Variants in PHF20L1 observed in about 807,000 individuals in gnomAD.
PHF20L1 encodes the protein PHD finger protein 20-like protein 1.
A neutral mutation model predicts 125.5 loss-of-function variants in PHF20L1; 44 were observed. The observed-to-expected ratio is 0.35, with a 90% CI of 0.28 to 0.45. The LOEUF (loss-of-function observed/expected upper bound fraction) is 0.45, where lower values mean the gene tolerates loss of function less well. PHF20L1 is among the 20% of genes least tolerant of loss of function. The pLI is 1.00. For missense variants in PHF20L1, 1,012 were observed against 1,217.2 expected, an observed-to-expected ratio of 0.83 and a Z score of 2.51; for synonymous variants, 380 against 403.1, an observed-to-expected ratio of 0.94 and a Z score of 0.69.
In PHF20L1 at chr8:132,817,793, G is replaced by A. The variant is rs367793494; in HGVS notation, c.1579+248G>A. The A allele has an allele frequency of 1.1e-4, 41 of 362,490 alleles. No individual in the cohort carries two copies. The East Asian group carries it at 1.4e-3, about 13-fold the overall frequency. 22.5% of individuals were successfully genotyped at this position (362,490 alleles called of 1,614,324 possible). On this transcript the variant is annotated intron_variant, in intron 12 of 20. Transcript: ENST00000395386. ...TCACTTGATCTATTTCCTTCTCCCTGCTTCTTTTTTATATATCCTTATTTC... is the reference window on the plus strand; with the variant it reads ...TCACTTGATCTATTTCCTTCTCCCTACTTCTTTTTTATATATCCTTATTTC...
chr8:132,790,139 C>G (rs1319652011), intron 2 of PHF20L1, among the ~76,000 whole-genome samples: 3 of 152,094 alleles, frequency 2.0e-5, no homozygotes, highest in African/African-American at 7.2e-5. Context: ...CTACAGCTTC[C>G]AAATTCAATC....
intron 14 of PHF20L1, among the ~76,000 whole-genome samples, chr8:132,831,975 A>G (rs1836828041): frequency 6.6e-6 from 1 of 152,092 alleles, no homozygotes; most frequent in Non-Finnish European, 1.5e-5. Context: ...TTTCACCTCT[A>G]TAGTACTTCA....
chr8:132,842,927 G>A (rs1467655776), intron 19 of PHF20L1, 52 bp downstream of exon 19: 1 of 1,519,346 alleles, frequency 6.6e-7, no homozygotes, highest in Non-Finnish European at 8.8e-7. Context: ...AAGAACAAAG[G>A]AAAATTTTAT....
chr8:132,829,371 C>A (rs1475621888), intron 14 of PHF20L1, among the ~76,000 whole-genome samples: 1 of 152,072 alleles, frequency 6.6e-6, no homozygotes, highest in South Asian at 2.1e-4. Context: ...AGTTTCCTTT[C>A]TTCTAAAATA....
chr8:132,838,182 C>A (rs1381777798), intron 17 of PHF20L1: 1 of 193,398 alleles, frequency 5.2e-6, no homozygotes, highest in African/African-American at 2.3e-5. Context: ...TAGACAAATA[C>A]ATTAGCATAT....
chr8:132,786,284 T>C (rs1030107577), intron 2 of PHF20L1, among the ~76,000 whole-genome samples: 11 of 152,120 alleles, frequency 7.2e-5, no homozygotes, highest in Non-Finnish European at 1.6e-4. Context: ...TCATACTTAG[T>C]CATAGTTGAG....
At chr8:132,832,213 C>A (rs756478172) in intron 14 of PHF20L1, 22 bp from the exon 15 acceptor site, 8 of 1,461,572 alleles carry the variant, frequency 5.5e-6, no homozygotes, top group East Asian at 4.5e-5. Flanking sequence ...ATTAATATTT[C>A]TTTCTGTATC....
At chr8:132,836,510 T>C in intron 15 of PHF20L1, 30 bp from the exon 16 acceptor site, 1 of 1,404,614 alleles carries the variant, frequency 7.1e-7, no homozygotes, top group Non-Finnish European at 9.9e-7. Flanking sequence ...AGAAAAGTTG[T>C]TCTAAGTATA....
At chr8:132,819,149 G>A (rs1035146122) in intron 12 of PHF20L1, among the ~76,000 whole-genome samples, 6 of 151,860 alleles carry the variant, frequency 4.0e-5, no homozygotes, top group East Asian at 1.9e-4. Context: ...GAAGGCACAC[G>A]AATATTCTTT....
chr8:132,782,235 C>G (rs11785273), intron 2 of PHF20L1, among the ~76,000 whole-genome samples: 2 of 152,066 alleles, frequency 1.3e-5, no homozygotes, highest in Non-Finnish European at 2.9e-5. Flanking sequence ...ACACTGTAAG[C>G]GGGTGGGTTT....
chr8:132,799,242 AT>A, intron 6 of PHF20L1, 70 bp downstream of exon 6: 1 of 813,538 alleles, frequency 1.2e-6, no homozygotes, highest in Non-Finnish European at 1.9e-6. Context: ...AAAGTTAAAA[AT>A]TTTTAATATA....
At chr8:132,819,024 A>G (rs1027908440) in intron 12 of PHF20L1, 5 of 151,898 alleles carry the variant, frequency 3.3e-5, no homozygotes, top group African/African-American at 1.2e-4. Flanking sequence ...ATATCAATGT[A>G]GTGATTGTGC....
chr8:132,845,939 A>G lies in PHF20L1; in HGVS notation c.*16A>G. 6.3e-7 allele frequency: 1 copy of G among 1,597,144 alleles called. No homozygotes were observed. Among genetic ancestry groups the G allele is most frequent in the South Asian group, 1.1e-5 (1 of 89,754 alleles). On this transcript the variant is annotated 3_prime_UTR_variant, in exon 21 of 21. Coordinates refer to ENST00000395386, the MANE Select transcript of PHF20L1 (RefSeq NM_016018.5). ...CTCTGTATGACAACAGTGAACACTT[A>G]ATGAAAGAATGTGGCTTTCTTCAGT...
chr8:132,817,103 C>G, intron 11 of PHF20L1, 27 bp downstream of exon 11: 1 of 1,361,280 alleles, frequency 7.3e-7, no homozygotes, highest in East Asian at 2.4e-5. Flanking sequence ...TCCTATAGAA[C>G]CAAACATAAA....
chr8:132,835,228 G>A (rs1374155470), intron 15 of PHF20L1, among the ~76,000 whole-genome samples: 1 of 152,100 alleles, frequency 6.6e-6, no homozygotes, highest in African/African-American at 2.4e-5. Context: ...AGTTCTTGCT[G>A]TCATGGATTC....
rs1204837287 is a variant in PHF20L1 at position 132,803,842 on chromosome 8, A to G, written c.531A>G (p.Ala177=). ...GSEDWIALVK[A]AAAAAAKNKT... ...AGGATTGGATAGCTTTAGTCAAAGC[A>G]GCTGCTGCAGCTGCAGCCAAGAACA... The change falls in exon 7 of 21, where the codon GCA becomes GCG. Residue 177 remains alanine, a synonymous_variant. Transcript: ENST00000395386. 6.2e-7 allele frequency: 1 copy of G among 1,604,370 alleles called. No homozygotes were observed.
chr8:132,804,051 C>T lies in PHF20L1; in HGVS notation c.721+19C>T, dbSNP rs200504145. Reference sequence around the variant, plus strand: ...ACATTTGGTACAAAATACATTCTTACGTTAATTCCTTATGACACTGGTAAA... The same window carrying T: ...ACATTTGGTACAAAATACATTCTTATGTTAATTCCTTATGACACTGGTAAA... On this transcript the variant is annotated intron_variant, in intron 7 of 20. Coordinates refer to ENST00000395386, the MANE Select transcript of PHF20L1 (RefSeq NM_016018.5). The T allele has an allele frequency of 2.9e-5, 44 of 1,499,940 alleles. No individual in the cohort carries two copies. Among genetic ancestry groups the T allele is most frequent in the South Asian group, 2.4e-4 (21 of 88,402 alleles). The allele number at this position is 1,499,940 out of a possible 1,614,324, so 92.9% of individuals were successfully genotyped here. A position where few individuals can be genotyped will look rare whatever the true frequency, so the allele number is the denominator to read the frequency against.
At chr8:132,843,428 G>A (rs1163792338) in intron 19 of PHF20L1, 1 of 979,612 alleles carries the variant, frequency 1.0e-6, no homozygotes, top group Non-Finnish European at 1.2e-6. Context: ...CAATTAATGA[G>A]GCCACTTTAA....
chr8:132,812,443 G>A (rs779000640), intron 9 of PHF20L1: 11 of 984,646 alleles, frequency 1.1e-5, no homozygotes, highest in South Asian at 4.7e-5. Flanking sequence ...AGAAAACCAC[G>A]TTTTGAAATT....
Sources: gnomAD v4.1 joint callset for allele counts (sites outside exome capture counted in the v4.1 genomes callset) on GRCh38, gnomAD v4.1.1 for gene constraint, MANE v1.5 for transcripts, NCBI Gene and HGNC (gene_info 2026-07-23, HGNC 2026-07-21) for gene names.